Variants in HFM1 observed in about 807,000 individuals in gnomAD.
HFM1 encodes probable ATP-dependent DNA helicase HFM1.
Under a neutral mutation model 192.1 loss-of-function variants are expected in HFM1, and 169 were observed. That is an observed-to-expected ratio of 0.88 (90% confidence interval 0.78 to 1.00). The LOEUF (loss-of-function observed/expected upper bound fraction) is 1.00, where lower values mean the gene tolerates loss of function less well. Ranked by LOEUF, HFM1 falls within the 50% of genes least tolerant of loss-of-function variation. HFM1 has a pLI of 0.00. For missense variants in HFM1, 1,661 were observed against 1,668.0 expected (o/e 1.00, Z 0.07); for synonymous variants, 525 against 537.8 (o/e 0.98, Z 0.33).
intron 30 of HFM1, among the ~76,000 whole-genome samples, chr1:91,289,436 T>C (rs372730897): frequency 1.4e-4 from 21 of 151,990 alleles, no homozygotes; most frequent in Admixed American, 8.5e-4. Context: ...CAGGCAGAGA[T>C]GCTCCTCACT....
rs143059423 is a variant in HFM1, at chr1:91,262,597, A to C, written c.3975-5T>G. 38 of 1,477,420 alleles carry C rather than the reference A, an allele frequency of 2.6e-5. No homozygotes were observed. Among genetic ancestry groups the C allele is most frequent in the African/African-American group, 4.2e-5 (3 of 72,002 alleles). The allele number at this position is 1,477,420 out of a possible 1,614,324, so 91.5% of individuals were successfully genotyped here. Reference sequence around the variant, plus strand: ...ATCTCATGTGATGAAACAAAACTAAAAATTAAAATTAATTATTTGTAAAAT... The same window carrying C: ...ATCTCATGTGATGAAACAAAACTAACAATTAAAATTAATTATTTGTAAAAT... On this transcript the variant is annotated splice_polypyrimidine_tract_variant and splice_region_variant and intron_variant, in intron 36 of 38. Transcript: ENST00000370425.
intron 34 of HFM1, among the ~76,000 whole-genome samples, chr1:91,271,888 A>G (rs1666335171): frequency 6.6e-6 from 1 of 152,176 alleles, no homozygotes; most frequent in African/African-American, 2.4e-5. Flanking sequence ...ATTAGATATG[A>G]AATTTTTGGG....
chr1:91,304,772 C>T (rs1649368631), intron 30 of HFM1, among the ~76,000 whole-genome samples: 1 of 151,986 alleles, frequency 6.6e-6, no homozygotes, highest in Admixed American at 6.6e-5. Context: ...AGCCACTGCA[C>T]CTGGCGAGTT....
chr1:91,308,272 T>C (rs190579887), intron 30 of HFM1, among the ~76,000 whole-genome samples: 25 of 152,280 alleles, frequency 1.6e-4, no homozygotes, highest in Admixed American at 4.6e-4. Flanking sequence ...TTTGTGTTCT[T>C]TCCATTCTCT....
intron 30 of HFM1, among the ~76,000 whole-genome samples, chr1:91,281,261 G>T (rs910098569): frequency 2.0e-5 from 3 of 152,178 alleles, no homozygotes; most frequent in Non-Finnish European, 4.4e-5. Context: ...GAATCAAGTG[G>T]AGTGGTTTTC....
chr1:91,386,893 G>T (rs1662274589), intron 4 of HFM1, among the ~76,000 whole-genome samples: 1 of 152,054 alleles, frequency 6.6e-6, no homozygotes, highest in Non-Finnish European at 1.5e-5. Flanking sequence ...CCCCCAAAAA[G>T]GAAAAGATAT....
intron 30 of HFM1, among the ~76,000 whole-genome samples, chr1:91,278,484 G>A (rs12562039): frequency 0.2 from 30,838 of 152,080 alleles, 3,884 homozygotes; most frequent in South Asian, 0.35. Flanking sequence ...ATCACCGATT[G>A]TAAGAGCTGA....
rs776256514 is a variant in HFM1 at position 91,385,647 on chromosome 1, C to G, written c.682G>C (p.Ala228Pro). The part of the protein sequence containing the change: ...NVFTANNAFS[A>P]SEIGEGMFKA... The stretch of plus-strand genomic sequence containing the variant: ...AACATGCCTTCTCCGATTTCAGAAG[C>G]AGAAAAAGCATTATTTGCTGTAAAC... Residue 228 changes from alanine (A) to proline (P), a missense_variant, in exon 5 of 39, where the codon GCT becomes CCT. By Grantham distance (27) the Ala-to-Pro change is conservative. Coordinates refer to ENST00000370425, the MANE Select transcript of HFM1 (RefSeq NM_001017975.6). 19 of 1,612,626 alleles carry G rather than the reference C, an allele frequency of 1.2e-5. No homozygotes were observed. Among genetic ancestry groups the G allele is most frequent in the Non-Finnish European group, 1.6e-5 (19 of 1,178,790 alleles).
At chr1:91,269,881 T>C (rs1460266974) in intron 34 of HFM1, among the ~76,000 whole-genome samples, 1 of 152,124 alleles carries the variant, frequency 6.6e-6, no homozygotes, top group African/African-American at 2.4e-5. Flanking sequence ...TGGGGAGAAC[T>C]GTAAGTTTTC....
At chr1:91,403,884 A>C (rs1051392469) in intron 1 of HFM1, among the ~76,000 whole-genome samples, 1 of 152,330 alleles carries the variant, frequency 6.6e-6, no homozygotes, top group Admixed American at 6.5e-5. Context: ...ATTGTATAAA[A>C]TTATTGTATA....
chr1:91,303,999 C>T (rs533919486), intron 30 of HFM1, among the ~76,000 whole-genome samples: 4 of 152,114 alleles, frequency 2.6e-5, no homozygotes, highest in Admixed American at 6.5e-5. Context: ...GGATTACAGG[C>T]GTGCACCAAC....
intron 13 of HFM1, 73 bp downstream of exon 13, chr1:91,375,285 G>T: frequency 9.8e-7 from 1 of 1,021,068 alleles, no homozygotes; most frequent in Non-Finnish European, 1.5e-6. Context: ...TATGGGACAA[G>T]CCTAATTTTC....
At chr1:91,336,117 C>A (rs1305940898) in intron 20 of HFM1, among the ~76,000 whole-genome samples, 1 of 149,826 alleles carries the variant, frequency 6.7e-6, no homozygotes, top group Admixed American at 6.7e-5. Context: ...TCTGTCCCAT[C>A]CTCCTTGGAG....
At chr1:91,381,232 C>G (rs1423355340) in intron 6 of HFM1, among the ~76,000 whole-genome samples, 2 of 151,994 alleles carry the variant, frequency 1.3e-5, no homozygotes, top group African/African-American at 4.8e-5. Flanking sequence ...TACCTGAGTG[C>G]TAAATATGAT....
intron 32 of HFM1, among the ~76,000 whole-genome samples, chr1:91,276,329 G>A (rs1666801857): frequency 6.6e-6 from 1 of 152,084 alleles, no homozygotes; most frequent in Admixed American, 6.6e-5. Context: ...TTACTTACTT[G>A]TATCTCTCAC....
chr1:91,356,398 C>G (rs1382491556), intron 13 of HFM1, among the ~76,000 whole-genome samples: 1 of 152,028 alleles, frequency 6.6e-6, no homozygotes, highest in Non-Finnish European at 1.5e-5. Context: ...CATGTACCAC[C>G]ACGCCTGGCT....
intron 23 of HFM1, among the ~76,000 whole-genome samples, chr1:91,320,771 T>A (rs1651971930): frequency 6.6e-6 from 1 of 152,100 alleles, no homozygotes; most frequent in Non-Finnish European, 1.5e-5. Context: ...CCTATGATCT[T>A]ACCCCTGAGC....
chr1:91,359,374 G>C (rs1030852764), intron 13 of HFM1, among the ~76,000 whole-genome samples: 5 of 152,124 alleles, frequency 3.3e-5, no homozygotes, highest in African/African-American at 1.2e-4. Flanking sequence ...CAGTACAGGA[G>C]CTGATAGCCA....
chr1:91,392,074 G>A (rs1343831260), intron 4 of HFM1, among the ~76,000 whole-genome samples: 5 of 152,230 alleles, frequency 3.3e-5, no homozygotes, highest in African/African-American at 1.2e-4. Flanking sequence ...TTAGAATGGT[G>A]ATCATTAAAA....
Sources: allele counts gnomAD v4.1 joint callset (sites outside exome capture counted in the v4.1 genomes callset), GRCh38; gene constraint gnomAD v4.1.1; transcripts MANE v1.5; gene names NCBI Gene and HGNC (gene_info 2026-07-23, HGNC 2026-07-21).